Variants in EVA1C observed in about 807,000 individuals in gnomAD.
EVA1C encodes eva-1 homolog C, also known as protein eva-1 homolog C.
A neutral mutation model predicts 45.4 loss-of-function variants in EVA1C; 25 were observed. That is an observed-to-expected ratio of 0.55 (90% CI 0.40 to 0.77). The LOEUF is 0.77. Ranked by LOEUF, EVA1C falls within the 30% of genes least tolerant of loss-of-function variation. The pLI, the probability that EVA1C is intolerant of heterozygous loss-of-function variation, is 0.00. For synonymous variants in EVA1C, 190 were observed against 221.2 expected, an observed-to-expected ratio of 0.86 and a Z score of 1.25; for missense variants, 479 against 554.8, an observed-to-expected ratio of 0.86 and a Z score of 1.37.
chr21:32,478,117 C>T (rs918286033), intron 4 of EVA1C, among the ~76,000 whole-genome samples: 4 of 150,612 alleles, frequency 2.7e-5, no homozygotes, highest in African/African-American at 9.8e-5. Flanking sequence ...TATGAGCTAA[C>T]TTATGTCCTC....
intron 1 of EVA1C, among the ~76,000 whole-genome samples, chr21:32,431,879 CT>C (rs1406475087): frequency 6.6e-6 from 1 of 152,164 alleles, no homozygotes; most frequent in Non-Finnish European, 1.5e-5. Flanking sequence ...GAAACTAACC[CT>C]GCTACAATAC....
intron 4 of EVA1C, 63 bp downstream of exon 4, chr21:32,467,911 T>C (rs2036235075): frequency 9.7e-7 from 1 of 1,033,298 alleles, no homozygotes; most frequent in Non-Finnish European, 1.3e-6. Flanking sequence ...ATAGAATATA[T>C]ATATATATAT....
At chr21:32,438,627 C>G (rs1378259039) in intron 1 of EVA1C, among the ~76,000 whole-genome samples, 1 of 152,062 alleles carries the variant, frequency 6.6e-6, no homozygotes, top group Non-Finnish European at 1.5e-5. Context: ...AACCTCTTCA[C>G]CACCCAGCGC....
chr21:32,507,760 G>A (rs576957803), intron 7 of EVA1C, among the ~76,000 whole-genome samples: 7 of 148,704 alleles, frequency 4.7e-5, no homozygotes, highest in East Asian at 2.0e-4. Context: ...ATGTGTTTGC[G>A]TGTGTGTGCA....
At chr21:32,458,481 A>ATTTTTTT (rs1555859600) in intron 3 of EVA1C, among the ~76,000 whole-genome samples, 1 of 141,142 alleles carries the variant, frequency 7.1e-6, no homozygotes. Context: ...GAAGTTAAGC[A>ATTTTTTT]CTTTTTTTTT....
At chr21:32,441,982 G>A (rs2035192620) in intron 1 of EVA1C, among the ~76,000 whole-genome samples, 1 of 152,128 alleles carries the variant, frequency 6.6e-6, no homozygotes, top group Non-Finnish European at 1.5e-5. Context: ...GGGTCACAAG[G>A]GGTCTCAAGG....
chr21:32,444,750 T>C (rs149382006), intron 1 of EVA1C, among the ~76,000 whole-genome samples: 186 of 150,728 alleles, frequency 1.2e-3, no homozygotes, highest in African/African-American at 4.3e-3. Context: ...AATCTTGCCT[T>C]GGTCTTTCCA....
At chr21:32,513,583 C>T (rs2038037667) in intron 7 of EVA1C, among the ~76,000 whole-genome samples, 1 of 118,250 alleles carries the variant, frequency 8.5e-6, no homozygotes, top group Non-Finnish European at 1.6e-5. Context: ...GGCAGGGTCT[C>T]ACACTATTAC....
chr21:32,475,340 T>TATCATCATCATCATC (rs61177845), intron 4 of EVA1C, among the ~76,000 whole-genome samples: 50 of 150,824 alleles, frequency 3.3e-4, no homozygotes, highest in African/African-American at 1.2e-3. Context: ...TCTTCTAAAA[T>TATCATCATCATCATC]ATCATCATCA....
chr21:32,453,097 C>T (rs1360855521), intron 1 of EVA1C: 2 of 493,122 alleles, frequency 4.1e-6, no homozygotes, highest in African/African-American at 1.9e-5. Context: ...CCCCTGCCCC[C>T]CTTCCATGTC....
At chr21:32,464,723 G>A (rs997603219) in intron 3 of EVA1C, among the ~76,000 whole-genome samples, 8 of 152,170 alleles carry the variant, frequency 5.3e-5, no homozygotes, top group Admixed American at 6.5e-5. Context: ...TCAGGAGGCT[G>A]AGGCAGGAGA....
intron 1 of EVA1C, among the ~76,000 whole-genome samples, chr21:32,423,071 A>AG: frequency 1.5e-4 from 1 of 6,582 alleles, no homozygotes; most frequent in Middle Eastern, 0.056. Flanking sequence ...ACTCTGTCTC[A>AG]AAAAAAAAAA....
intron 3 of EVA1C, among the ~76,000 whole-genome samples, chr21:32,461,238 C>T (rs971616390): frequency 1.3e-5 from 2 of 152,200 alleles, no homozygotes; most frequent in Non-Finnish European, 2.9e-5. Context: ...GAGAGAGCAC[C>T]AGCTGGGGAG....
At chr21:32,449,764 G>A (rs186931961) in intron 1 of EVA1C, among the ~76,000 whole-genome samples, 80 of 152,102 alleles carry the variant, frequency 5.3e-4, no homozygotes, top group Middle Eastern at 6.8e-3. Context: ...TGGGATTACG[G>A]GGGCGTGCCA....
chr21:32,444,075 CACACA>C (rs769529697), intron 1 of EVA1C, among the ~76,000 whole-genome samples: 75 of 145,386 alleles, frequency 5.2e-4, no homozygotes, highest in Middle Eastern at 7.6e-3. Context: ...CACACACACA[CACACA>C]CACACACACA....
intron 7 of EVA1C, among the ~76,000 whole-genome samples, chr21:32,507,555 C>CCTGT (rs56080845): frequency 3.4e-5 from 5 of 148,004 alleles, no homozygotes; most frequent in African/African-American, 1.2e-4. Flanking sequence ...TGTATGTATG[C>CCTGT]GTGTTTTTGT....
intron 1 of EVA1C, among the ~76,000 whole-genome samples, chr21:32,447,421 A>T (rs1042577909): frequency 6.6e-6 from 1 of 152,124 alleles, no homozygotes; most frequent in Admixed American, 6.5e-5. Context: ...GGTCATGTGC[A>T]TATGTATTTA....
intron 7 of EVA1C, among the ~76,000 whole-genome samples, chr21:32,504,723 T>C (rs2037667429): frequency 6.6e-6 from 1 of 152,202 alleles, no homozygotes; most frequent in Non-Finnish European, 1.5e-5. Context: ...TACATGTTAA[T>C]ATAATACATA....
chr21:32,495,349 T>A (rs2037316138), intron 5 of EVA1C, among the ~76,000 whole-genome samples, 179 bp downstream of exon 5: 1 of 152,182 alleles, frequency 6.6e-6, no homozygotes, highest in African/African-American at 2.4e-5. Flanking sequence ...TTTATGATAT[T>A]CATGTCAGAT....
Sources: allele counts gnomAD v4.1 joint callset (sites outside exome capture counted in the v4.1 genomes callset), GRCh38; gene constraint gnomAD v4.1.1; transcripts MANE v1.5; gene names NCBI Gene and HGNC (gene_info 2026-07-23, HGNC 2026-07-21).